The following PPRC1 variants were observed in gnomAD, a reference collection of about 807,000 sequenced individuals.
PPRC1 encodes the protein PPARG related coactivator 1, also known as peroxisome proliferator-activated receptor gamma coactivator-related protein 1.
Under a neutral mutation model 132.5 loss-of-function variants are expected in PPRC1, and 23 were observed. The ratio of observed to expected loss-of-function variants is 0.17; its 90% CI spans 0.12 to 0.25. The LOEUF is 0.25. Ranked by LOEUF, PPRC1 falls within the 10% of genes least tolerant of loss-of-function variation. The pLI, the probability that PPRC1 is intolerant of heterozygous loss-of-function variation, is 1.00. For missense variants in PPRC1, 2,006 were observed against 2,089.1 expected (o/e 0.96, Z 0.78); for synonymous variants, 872 against 833.5 (o/e 1.05, Z -0.80).
chr10:102,140,609 G>C lies in PPRC1; in HGVS notation c.2101G>C (p.Ala701Pro). ...TCCCAGACGTGGTGCAGTGTCATCAGCCCTGGGGGGTTCAGCACCCCAGCT... is the reference window on the plus strand; with the variant it reads ...TCCCAGACGTGGTGCAGTGTCATCACCCCTGGGGGGTTCAGCACCCCAGCT... ...TDPRRGAVSS[A>P]LGGSAPQLLV... Residue 701 changes from alanine (A) to proline (P), a missense_variant, in exon 5 of 14, where the codon GCC (alanine) becomes CCC (proline). This residue lies in a region of PPRC1 where 1,914 missense variants were observed against 1,917.2 expected (regional missense o/e 1.00). Coordinates refer to ENST00000278070, the MANE Select transcript of PPRC1 (RefSeq NM_015062.5). 5 of 1,614,080 alleles carry C rather than the reference G, an allele frequency of 3.1e-6. No individual in the cohort carries two copies. Among genetic ancestry groups the C allele is most frequent in the Non-Finnish European group, 3.4e-6 (4 of 1,180,024 alleles).
At chr10:102,123,183 T>C in the PPRC1 span, among the ~76,000 whole-genome samples, 1 of 152,226 alleles carries the variant, frequency 6.6e-6, no homozygotes, top group African/African-American at 2.4e-5. Context: ...TTTAGGCAAG[T>C]TAGTTAACTT....
rs1485120678 is a variant in PPRC1 at position 102,139,281 on chromosome 10, A to G, written c.773A>G (p.Gln258Arg). ...EEEEVASFSG[Q>R]ILAGELDNCV... ...GAGGAGGTGGCCAGCTTCAGTGGCC[A>G]GATTCTTGCCGGGGAGCTTGACAAC... The change falls in exon 5 of 14, where the codon CAG (glutamine) becomes CGG (arginine). Residue 258 changes from glutamine (Q) to arginine (R), a missense_variant. Gln to Arg is a conservative substitution (Grantham distance 43). Coordinates refer to ENST00000278070, the MANE Select transcript of PPRC1 (RefSeq NM_015062.5). The G allele has an allele frequency of 1.2e-6, 2 of 1,614,096 alleles. No homozygotes were observed. The highest frequency in any genetic ancestry group is 1.7e-6 in the Non-Finnish European group (2 of 1,180,042).
upstream of PPRC1, chr10:102,132,881 GACTACTACTCCCAGGA>G (rs1490816878): frequency 2.7e-5 from 22 of 808,236 alleles, no homozygotes; most frequent in Non-Finnish European, 3.7e-5. Flanking sequence ...CACTTAAAGG[GACTACTACTCCCAGGA>G]ACCTTCGCGC....
chr10:102,145,271 T>C (rs2069172428), intron 8 of PPRC1, among the ~76,000 whole-genome samples, 181 bp downstream of exon 8: 1 of 152,256 alleles, frequency 6.6e-6, no homozygotes, highest in Admixed American at 6.5e-5. Flanking sequence ...TCAGGTGCTA[T>C]GTTACAGCCT....
chr10:102,145,737 T>C (rs10736155), intron 8 of PPRC1, among the ~76,000 whole-genome samples: 143,742 of 151,632 alleles, frequency 0.95, 68,195 homozygotes, highest in East Asian at 1. Flanking sequence ...TGATGGCGGG[T>C]GCCTGTAGTC....
At chr10:102,142,034 C>T in intron 5 of PPRC1, 30 bp downstream of exon 5, 2 of 1,566,076 alleles carry the variant, frequency 1.3e-6, no homozygotes, top group Non-Finnish European at 1.7e-6. Context: ...CCCATGTAGT[C>T]CCCAAGTTGG....
rs746664279 is a variant in PPRC1, at chr10:102,139,146, C to T, written c.638C>T (p.Ser213Phe). Residue 213 changes from serine to phenylalanine, a missense_variant, in exon 5 of 14, where the codon TCT (serine) becomes TTT (phenylalanine). Ser to Phe is a radical substitution (Grantham distance 155). Coordinates refer to ENST00000278070, the MANE Select transcript of PPRC1 (RefSeq NM_015062.5). Reference sequence around the variant, plus strand: ...CCCTCTTGGGACTTCTCCCCACCCTCTTTCTTAGAGACCTCTTCCCCCAAG... The same window carrying T: ...CCCTCTTGGGACTTCTCCCCACCCTTTTTCTTAGAGACCTCTTCCCCCAAG... Reference protein sequence around the residue: ...PDPSWDFSPPSFLETSSPKLP... With the variant: ...PDPSWDFSPPFFLETSSPKLP... 1 of 1,612,546 alleles carries T rather than the reference C, an allele frequency of 6.2e-7. No individual in the cohort carries two copies. Among genetic ancestry groups the T allele is most frequent in the Non-Finnish European group, 8.5e-7 (1 of 1,179,040 alleles).
chr10:102,126,252 G>A, the PPRC1 span, among the ~76,000 whole-genome samples: 2 of 152,244 alleles, frequency 1.3e-5, no homozygotes, highest in Non-Finnish European at 2.9e-5. Context: ...TGAAGAGGGA[G>A]GATCACTTGA....
chr10:102,130,145 T>C (rs1239518359), upstream of PPRC1, among the ~76,000 whole-genome samples: 2 of 150,512 alleles, frequency 1.3e-5, no homozygotes, highest in African/African-American at 2.4e-5. Flanking sequence ...GGCTGGGCGC[T>C]GTGGCTCATG....
the PPRC1 span, chr10:102,120,214 G>T: frequency 0.057 from 57,125 of 998,878 alleles, 1,929 homozygotes; most frequent in African/African-American, 0.14. Flanking sequence ...CCCCCGCTGC[G>T]CTCGCCGCCG....
chr10:102,136,010 G>T (rs553348631), intron 1 of PPRC1, among the ~76,000 whole-genome samples: 1 of 152,118 alleles, frequency 6.6e-6, no homozygotes, highest in East Asian at 1.9e-4. Flanking sequence ...GAAGATGAGT[G>T]GTTCATAGAG....
At chr10:102,133,262 GT>G (rs2068588487) in intron 1 of PPRC1, 41 bp downstream of exon 1, 1 of 1,253,096 alleles carries the variant, frequency 8.0e-7, no homozygotes. Flanking sequence ...CAGCAAAGCG[GT>G]GTGTGCCGGG....
chr10:102,124,450 G>A, the PPRC1 span, among the ~76,000 whole-genome samples: 5 of 150,494 alleles, frequency 3.3e-5, no homozygotes, highest in East Asian at 7.8e-4. Flanking sequence ...TTTAACCTCC[G>A]CCTCCCGGGT....
At chr10:102,123,536 C>G in the PPRC1 span, among the ~76,000 whole-genome samples, 2 of 148,912 alleles carry the variant, frequency 1.3e-5, no homozygotes, top group African/African-American at 2.5e-5. Flanking sequence ...TAAAATTAAC[C>G]TTTTTTTTTT....
the PPRC1 span, chr10:102,120,089 G>A: frequency 7.0e-7 from 1 of 1,433,770 alleles, no homozygotes; most frequent in South Asian, 1.4e-5. Flanking sequence ...CACTCACCAG[G>A]ACAGGCACAG....
At position 102,139,807 on chromosome 10, in the gene PPRC1, C is replaced by T. The variant is rs745908303; in HGVS notation, c.1299C>T (p.Val433=). ...CCTGCTTATTGAAGCCCAGGGAGGT[C>T]GTGGAGCCGGTGGTGCCCAAGGAGC... ...DSACLLKPRE[V]VEPVVPKEPQ... Residue 433 remains valine (V), a synonymous_variant, in exon 5 of 14, where the codon GTC becomes GTT. Coordinates refer to ENST00000278070, the MANE Select transcript of PPRC1 (RefSeq NM_015062.5). 1.1e-5 allele frequency: 17 copies of T among 1,614,156 alleles called. No homozygotes were observed. The highest frequency in any genetic ancestry group is 2.2e-5 in the South Asian group (2 of 91,086).
At chr10:102,136,974 G>T (rs1298200946) in intron 1 of PPRC1, among the ~76,000 whole-genome samples, 1 of 152,248 alleles carries the variant, frequency 6.6e-6, no homozygotes, top group Non-Finnish European at 1.5e-5. Context: ...CTCTCATCTG[G>T]TAGGAGTGGA....
chr10:102,139,932 A>G lies in PPRC1; in HGVS notation c.1424A>G (p.Tyr475Cys). 6.2e-7 allele frequency: 1 copy of G among 1,614,268 alleles called. No individual in the cohort carries two copies. Among genetic ancestry groups the G allele is most frequent in the Non-Finnish European group, 8.5e-7 (1 of 1,180,048 alleles). Residue 475 changes from tyrosine to cysteine, a missense_variant, in exon 5 of 14, where the codon TAT (tyrosine) becomes TGT (cysteine). Coordinates refer to ENST00000278070, the MANE Select transcript of PPRC1 (RefSeq NM_015062.5). The stretch of plus-strand genomic sequence containing the variant: ...CAGCCAGCAGCCTGTGTGGAAGGCT[A>G]TGCCAGGAGGCTGAGGTCATCTTCT... ...KEQPAACVEG[Y>C]ARRLRSSSRG...
At position 102,149,246 on chromosome 10, in the gene PPRC1, A is replaced by G; in HGVS notation, c.4808A>G (p.Lys1603Arg). 1 of 1,612,610 alleles carries G rather than the reference A, an allele frequency of 6.2e-7. No homozygotes were observed. The highest frequency in any genetic ancestry group is 8.5e-7 in the Non-Finnish European group (1 of 1,179,266). ...TTTGCAGCCATTGAGAGTGGCCACA[A>G]GCTGCGGCAGGCAGATGAGCAGCCC... Reference protein sequence around the residue: ...EAFAAIESGHKLRQADEQPFD... With the variant: ...EAFAAIESGHRLRQADEQPFD... Residue 1603 changes from lysine to arginine, a missense_variant, in exon 13 of 14, where the codon AAG (lysine) becomes AGG (arginine). Around this residue, in one of 2 missense-constraint regions of PPRC1, gnomAD observed 92 missense variants for 171.9 expected, o/e 0.54. Transcript: ENST00000278070.
Sources: allele counts gnomAD v4.1 joint callset (sites outside exome capture counted in the v4.1 genomes callset), GRCh38; gene constraint gnomAD v4.1.1; regional missense constraint gnomAD v4.1.1; transcripts MANE v1.5; gene names NCBI Gene and HGNC (gene_info 2026-07-23, HGNC 2026-07-21).